Variants in GPR160 observed in about 807,000 individuals in gnomAD.
GPR160 encodes probable G protein-coupled receptor 160.
Under a neutral mutation model 2.6 loss-of-function variants are expected in GPR160, and 2 were observed. That is an observed-to-expected ratio of 0.77 (90% CI 0.32 to 2.44). The LOEUF is 2.44. GPR160 is among the 30% of genes most tolerant of loss of function. The pLI, the probability that GPR160 is intolerant of heterozygous loss-of-function variation, is 0.11. For missense variants in GPR160, 351 were observed against 383.6 expected (o/e 0.91, Z 0.71); for synonymous variants, 130 against 132.2 (o/e 0.98, Z 0.12).
intron 2 of GPR160, among the ~76,000 whole-genome samples, chr3:170,068,042 T>C (rs1712430319): frequency 6.6e-6 from 1 of 152,212 alleles, no homozygotes; most frequent in South Asian, 2.1e-4. Flanking sequence ...GTACAGGTGC[T>C]AAAATGTCTA....
At chr3:170,062,440 G>C (rs757460167) in intron 2 of GPR160, 35 of 505,618 alleles carry the variant, frequency 6.9e-5, no homozygotes, top group Non-Finnish European at 1.1e-4. Context: ...CAGCCTTCAG[G>C]AGGAGAACTC....
intron 2 of GPR160, among the ~76,000 whole-genome samples, chr3:170,047,506 A>G (rs1716774253): frequency 2.6e-5 from 4 of 152,182 alleles, no homozygotes. Context: ...TTAACATTTT[A>G]TAAACAATTC....
chr3:170,056,270 A>G (rs1711639473), intron 2 of GPR160, among the ~76,000 whole-genome samples: 1 of 152,232 alleles, frequency 6.6e-6, no homozygotes, highest in Admixed American at 6.5e-5. Context: ...TTATGTGAAA[A>G]TATACATCAC....
At chr3:170,074,077 G>A (rs111628357) in intron 2 of GPR160, among the ~76,000 whole-genome samples, 1,515 of 151,486 alleles carry the variant, frequency 0.01, 37 homozygotes, top group African/African-American at 0.035. Context: ...TAGTAGAGAC[G>A]GGGGTTTCAC....
At chr3:170,062,677 G>A (rs1576901538) in intron 2 of GPR160, 1 of 1,438,614 alleles carries the variant, frequency 7.0e-7, no homozygotes, top group East Asian at 2.3e-5. Flanking sequence ...CCTTGAAATA[G>A]CCCATCAAGG....
intron 2 of GPR160, among the ~76,000 whole-genome samples, chr3:170,074,961 C>G (rs1044905417): frequency 2.6e-4 from 39 of 152,106 alleles, no homozygotes; most frequent in Non-Finnish European, 1.0e-4. Context: ...TGCAGTGGCT[C>G]ACACCTGTAA....
chr3:170,076,794 C>T (rs1163751439), intron 2 of GPR160, among the ~76,000 whole-genome samples: 2 of 152,108 alleles, frequency 1.3e-5, no homozygotes, highest in East Asian at 1.9e-4. Context: ...TCCGCCTGCA[C>T]CAGCCTCCCA....
rs755271678 is a variant in GPR160, at chr3:170,073,975, G to A, written c.-192-5799G>A. 9.5e-5 allele frequency among the ~76,000 whole-genome samples: 13 copies of A among 136,944 alleles called. No individual in the cohort carries two copies. In the South Asian group the frequency reaches 1.5e-3, roughly 16 times the overall value. The allele number at this position is 136,944 out of a possible 152,430, so 89.8% of individuals were successfully genotyped here. ...ACAATCTCGGCTCACTGCAAGCTCCGCCTCCTGGGTTCAAGTGATTCTCCT... is the reference window on the plus strand; with the variant it reads ...ACAATCTCGGCTCACTGCAAGCTCCACCTCCTGGGTTCAAGTGATTCTCCT... On this transcript the variant is annotated intron_variant, in intron 2 of 3. Coordinates refer to ENST00000355897, the MANE Select transcript of GPR160 (RefSeq NM_014373.3).
At chr3:170,049,181 A>G (rs1239821750) in intron 2 of GPR160, among the ~76,000 whole-genome samples, 5 of 152,180 alleles carry the variant, frequency 3.3e-5, no homozygotes, top group Non-Finnish European at 7.4e-5. Flanking sequence ...TCCCCCTATG[A>G]GAAGCCCTGC....
chr3:170,058,321 C>T (rs1711745185), intron 2 of GPR160, among the ~76,000 whole-genome samples: 1 of 152,154 alleles, frequency 6.6e-6, no homozygotes, highest in South Asian at 2.1e-4. Flanking sequence ...CCTGCTTTCC[C>T]ACAGGAAGTG....
intron 3 of GPR160, among the ~76,000 whole-genome samples, chr3:170,081,566 C>T (rs1713129689): frequency 6.6e-6 from 1 of 152,036 alleles, no homozygotes; most frequent in Non-Finnish European, 1.5e-5. Context: ...AAACTGATAG[C>T]CCTCTCTCAC....
At chr3:170,078,951 T>C (rs1712996871) in intron 2 of GPR160, among the ~76,000 whole-genome samples, 1 of 152,194 alleles carries the variant, frequency 6.6e-6, no homozygotes, top group African/African-American at 2.4e-5. Context: ...TTTCTGACCT[T>C]GAAGAGGGCA....
chr3:170,055,569 G>C (rs1711598954), intron 2 of GPR160, among the ~76,000 whole-genome samples: 1 of 152,134 alleles, frequency 6.6e-6, no homozygotes. Context: ...GATGAAGAAA[G>C]CAAGACTAAA....
intron 2 of GPR160, among the ~76,000 whole-genome samples, chr3:170,056,755 T>C (rs1711665060): frequency 1.3e-5 from 2 of 152,230 alleles, no homozygotes; most frequent in African/African-American, 4.8e-5. Flanking sequence ...GGCTAATTAA[T>C]TTTGTAAGTA....
At chr3:170,050,228 T>A (rs1446697267) in intron 2 of GPR160, among the ~76,000 whole-genome samples, 1 of 149,744 alleles carries the variant, frequency 6.7e-6, no homozygotes, top group East Asian at 2.0e-4. Flanking sequence ...CCCGCCTAAT[T>A]TACTTCTTCT....
At chr3:170,054,692 C>CAT (rs769515224) in intron 2 of GPR160, among the ~76,000 whole-genome samples, 4 of 152,082 alleles carry the variant, frequency 2.6e-5, no homozygotes, top group Non-Finnish European at 5.9e-5. Flanking sequence ...CTAGGTACCT[C>CAT]ATATATATGG....
At chr3:170,053,504 G>C (rs1438323869) in intron 2 of GPR160, among the ~76,000 whole-genome samples, 1 of 152,048 alleles carries the variant, frequency 6.6e-6, no homozygotes, top group Non-Finnish European at 1.5e-5. Flanking sequence ...TTTTTTGTAA[G>C]TACCTTAGGA....
At chr3:170,048,435 A>T (rs889743084) in intron 2 of GPR160, among the ~76,000 whole-genome samples, 2 of 152,228 alleles carry the variant, frequency 1.3e-5, no homozygotes, top group African/African-American at 4.8e-5. Context: ...TTAAATAAAA[A>T]ATCATTGTAT....
Position 170,038,138 on chromosome 3 carries a change from C to A in GPR160, c.-399C>A. ...GGGCGAGCTGGGCCCTCGCCCCTCCCTCGGGCGGTCACCTGGGCACGGGCG... is the reference window on the plus strand; with the variant it reads ...GGGCGAGCTGGGCCCTCGCCCCTCCATCGGGCGGTCACCTGGGCACGGGCG... On this transcript the variant is annotated 5_prime_UTR_variant, in exon 1 of 4. Coordinates refer to ENST00000355897, the MANE Select transcript of GPR160 (RefSeq NM_014373.3). This position sits in a 1 kb window ranked among gnomAD's most constrained non-coding sequence, Gnocchi z 5.3. 1 of 152,832 alleles carries A rather than the reference C, an allele frequency of 6.5e-6. No homozygotes were observed. Among genetic ancestry groups the A allele is most frequent in the South Asian group, 1.9e-4 (1 of 5,334 alleles). The allele number at this position is 152,832 out of a possible 1,614,324, so 9.5% of individuals were successfully genotyped here.
Sources: gnomAD v4.1 joint callset for allele counts (sites outside exome capture counted in the v4.1 genomes callset) on GRCh38, gnomAD v4.1.1 for gene constraint, Gnocchi (gnomAD v3.1) non-coding constraint, MANE v1.5 for transcripts, NCBI Gene and HGNC (gene_info 2026-07-23, HGNC 2026-07-21) for gene names.